Variants in CFAP52 observed in about 807,000 individuals in gnomAD.
The protein encoded by CFAP52 is cilia and flagella associated protein 52, also known as cilia- and flagella-associated protein 52.
Under a neutral mutation model 70.5 loss-of-function variants are expected in CFAP52, and 57 were observed. The ratio of observed to expected loss-of-function variants is 0.81; its 90% confidence interval spans 0.65 to 1.01. CFAP52 has a LOEUF of 1.01. Ranked by LOEUF, CFAP52 falls within the 50% of genes least tolerant of loss-of-function variation. The pLI is 0.00. For synonymous variants in CFAP52, 267 were observed against 292.5 expected (o/e 0.91, Z 0.89); for missense variants, 785 against 788.5 (o/e 1.00, Z 0.05).
At chr17:9,628,342 C>G (rs1910317090) in intron 8 of CFAP52, among the ~76,000 whole-genome samples, 1 of 151,646 alleles carries the variant, frequency 6.6e-6, no homozygotes, top group Admixed American at 6.6e-5. Context: ...TGCAGTGGCC[C>G]CATCTTGGCT....
intron 3 of CFAP52, 80 bp from the exon 4 acceptor site, chr17:9,594,113 A>C (rs1445176717): frequency 1.3e-6 from 2 of 1,482,322 alleles, no homozygotes; most frequent in African/African-American, 2.9e-5. Context: ...TCTTTCTAGA[A>C]CCACTAAGAT....
intron 1 of CFAP52, among the ~76,000 whole-genome samples, chr17:9,580,128 C>A (rs1343858627): frequency 6.6e-6 from 1 of 152,146 alleles, no homozygotes; most frequent in African/African-American, 2.4e-5. Flanking sequence ...CAGGAGTCTA[C>A]AAACTATAGC....
chr17:9,637,072 CA>C (rs113680739), intron 11 of CFAP52, among the ~76,000 whole-genome samples: 2,407 of 149,812 alleles, frequency 0.016, 76 homozygotes, highest in African/African-American at 0.055. Context: ...AACAAAAAAG[CA>C]AAAAAAAACC....
downstream of CFAP52, chr17:9,645,397 C>CGGCACCAGGCAGGGGT (rs1911287903): frequency 3.7e-6 from 1 of 273,902 alleles, no homozygotes; most frequent in Non-Finnish European, 6.7e-6. This position sits in a 1 kb window ranked among gnomAD's most constrained non-coding sequence, Gnocchi z 6.8. Flanking sequence ...GCAGCGGGGG[C>CGGCACCAGGCAGGGGT]GGCACCAGGC....
At chr17:9,585,099 A>C (rs1325274073) in intron 1 of CFAP52, among the ~76,000 whole-genome samples, 1 of 152,194 alleles carries the variant, frequency 6.6e-6, no homozygotes, top group Non-Finnish European at 1.5e-5. Context: ...CACTCACCCA[A>C]GCAGGCTGCT....
intron 1 of CFAP52, among the ~76,000 whole-genome samples, chr17:9,583,448 C>T (rs1244088007): frequency 3.3e-5 from 5 of 151,474 alleles, no homozygotes; most frequent in Admixed American, 6.6e-5. Flanking sequence ...ATGAGTCTTT[C>T]GATGGAGAAG....
intron 8 of CFAP52, 30 bp from the exon 9 acceptor site, chr17:9,628,642 T>G (rs1258916305): frequency 5.0e-6 from 8 of 1,601,176 alleles, no homozygotes; most frequent in Non-Finnish European, 6.8e-6. Context: ...GCATCTTTTA[T>G]GGTTGCATCT....
In CFAP52 at chr17:9,598,351, T is replaced by A; in HGVS notation, c.636+18T>A. The A allele has an allele frequency of 6.3e-7, 1 of 1,596,272 alleles. No individual in the cohort carries two copies. The highest frequency in any genetic ancestry group is 8.6e-7 in the Non-Finnish European group (1 of 1,167,536). ...GTATTGGAGTAAGTATTAATTTAAG[T>A]ATTAAGTAACAATTAGCACACGTTC... On this transcript the variant is annotated intron_variant, in intron 5 of 13. Coordinates refer to ENST00000352665, the MANE Select transcript of CFAP52 (RefSeq NM_145054.5).
chr17:9,639,126 T>C (rs1443715326), intron 12 of CFAP52: 2 of 157,458 alleles, frequency 1.3e-5, no homozygotes, highest in East Asian at 1.8e-4. Context: ...ACTTCATCAA[T>C]ACATTAAAAA....
chr17:9,623,271 C>T (rs896657965), intron 8 of CFAP52, among the ~76,000 whole-genome samples: 2 of 152,122 alleles, frequency 1.3e-5, no homozygotes, highest in African/African-American at 2.4e-5. Flanking sequence ...TATGCTTACT[C>T]TTAGCATGAT....
chr17:9,615,819 T>C (rs149016984), intron 8 of CFAP52, among the ~76,000 whole-genome samples: 4,108 of 84,496 alleles, frequency 0.049, 109 homozygotes, highest in Middle Eastern at 0.073. Flanking sequence ...TTTTTTTTTT[T>C]CCCAGAAACA....
intron 8 of CFAP52, among the ~76,000 whole-genome samples, chr17:9,616,449 C>A (rs1402304292): frequency 1.6e-3 from 215 of 133,918 alleles, no homozygotes; most frequent in African/African-American, 6.1e-3. Context: ...CCCAGGCTTG[C>A]TTAGGTAAAC....
At position 9,632,912 on chromosome 17, in the gene CFAP52, C is replaced by T. The variant is rs770324536; in HGVS notation, c.1199C>T (p.Ala400Val). The T allele has an allele frequency of 1.9e-6, 3 of 1,614,104 alleles. No homozygotes were observed. Among genetic ancestry groups the T allele is most frequent in the Middle Eastern group, 1.6e-4 (1 of 6,062 alleles). Residue 400 changes from alanine (A) to valine (V), a missense_variant, in exon 10 of 14, where the codon GCC becomes GTC. Coordinates refer to ENST00000352665, the MANE Select transcript of CFAP52 (RefSeq NM_145054.5). ...ISAWNDGKIR[A>V]FAPETGRLMY... ...GCATGGAACGACGGTAAAATCCGAGCCTTCGCCCCAGAGACAGGCCGACTG... is the reference window on the plus strand; with the variant it reads ...GCATGGAACGACGGTAAAATCCGAGTCTTCGCCCCAGAGACAGGCCGACTG...
intron 12 of CFAP52, 118 bp downstream of exon 12, chr17:9,638,829 A>C: frequency 1.1e-6 from 1 of 931,034 alleles, no homozygotes; most frequent in Non-Finnish European, 1.7e-6. Flanking sequence ...GTGGTCTGTC[A>C]TCAATCAGCC....
In CFAP52 at chr17:9,600,001, A is replaced by G. The variant is rs561830211; in HGVS notation, c.637-66A>G. 4.2e-6 allele frequency: 6 copies of G among 1,413,192 alleles called. No individual in the cohort carries two copies. The Admixed American group carries it at 1.0e-4, about 24-fold the overall frequency. The allele number at this position is 1,413,192 out of a possible 1,614,324, so 87.5% of individuals were successfully genotyped here. On this transcript the variant is annotated intron_variant, in intron 5 of 13. Transcript: ENST00000352665. ...GGTGATCCACCCGCCTCGGCCTCCC[A>G]AAGTGCTGATATTACAGGCGTGAGC...
At chr17:9,591,025 T>C (rs909564857) in intron 3 of CFAP52, among the ~76,000 whole-genome samples, 1 of 131,146 alleles carries the variant, frequency 7.6e-6, no homozygotes, top group South Asian at 2.5e-4. Flanking sequence ...ATAGTTTGCA[T>C]GCATCTTTTT....
rs889692603 is a variant in CFAP52, at chr17:9,598,247, G to C, written c.550G>C (p.Val184Leu). 1 of 1,610,760 alleles carries C rather than the reference G, an allele frequency of 6.2e-7. No individual in the cohort carries two copies. Among genetic ancestry groups the C allele is most frequent in the Non-Finnish European group, 8.5e-7 (1 of 1,178,854 alleles). The stretch of plus-strand genomic sequence containing the variant: ...TTTTTTACATAGTGGGACAATTCGA[G>C]TATGGGAATTGGATCTTCCAAATAG... ...FMTAGNGTIR[V>L]WELDLPNRKI... Residue 184 changes from valine to leucine, a missense_variant, in exon 5 of 14, where the codon GTA becomes CTA. Val to Leu is a conservative substitution (Grantham distance 32). Transcript: ENST00000352665.
chr17:9,642,986 A>T (rs372195557), intron 13 of CFAP52, 37 bp from the exon 14 acceptor site: 2 of 1,512,446 alleles, frequency 1.3e-6, no homozygotes, highest in Non-Finnish European at 1.8e-6. Context: ...TCTCTCTCCT[A>T]TTGCAGCAAT....
chr17:9,597,239 T>G (rs1218286044), intron 4 of CFAP52, among the ~76,000 whole-genome samples: 2 of 152,180 alleles, frequency 1.3e-5, no homozygotes, highest in African/African-American at 4.8e-5. Flanking sequence ...ATGACAGAAT[T>G]TCTTCCCATT....
Sources: gnomAD v4.1 joint callset for allele counts (sites outside exome capture counted in the v4.1 genomes callset) on GRCh38, gnomAD v4.1.1 for gene constraint, Gnocchi (gnomAD v3.1) non-coding constraint, MANE v1.5 for transcripts, NCBI Gene and HGNC (gene_info 2026-07-23, HGNC 2026-07-21) for gene names.